Variants in CDH3 observed in about 807,000 individuals in gnomAD.
The protein encoded by CDH3 is cadherin-3.
A neutral mutation model predicts 82.0 loss-of-function variants in CDH3; 54 were observed. The observed-to-expected ratio is 0.66, with a 90% CI of 0.53 to 0.83. The LOEUF is 0.83. CDH3 is among the 40% of genes least tolerant of loss of function. CDH3 has a pLI of 0.00. For missense variants in CDH3, 1,054 were observed against 1,084.6 expected, an observed-to-expected ratio of 0.97 and a Z score of 0.40; for synonymous variants, 446 against 437.9, an observed-to-expected ratio of 1.02 and a Z score of -0.23.
At chr16:68,682,631 T>C in intron 9 of CDH3, 144 bp downstream of exon 9, 1 of 780,770 alleles carries the variant, frequency 1.3e-6, no homozygotes. Context: ...ACCACTCTTG[T>C]GTTGGGAAGT....
intron 2 of CDH3, among the ~76,000 whole-genome samples, chr16:68,650,432 G>T (rs1319230229): frequency 6.6e-6 from 1 of 152,130 alleles, no homozygotes; most frequent in Non-Finnish European, 1.5e-5. Flanking sequence ...AGCCTCCCAA[G>T]TAACTGGTAC....
chr16:68,697,332 A>G (rs943453402), intron 15 of CDH3, among the ~76,000 whole-genome samples: 1 of 152,002 alleles, frequency 6.6e-6, no homozygotes, highest in African/African-American at 2.4e-5. Flanking sequence ...TTTAAAAAAA[A>G]AAAAATTAGG....
chr16:68,685,110 A>C, intron 10 of CDH3, 95 bp from the exon 11 acceptor site: 1 of 1,437,104 alleles, frequency 7.0e-7, no homozygotes, highest in South Asian at 1.1e-5. Context: ...TTAGGAGCCC[A>C]GAGGCCATCT....
intron 2 of CDH3, among the ~76,000 whole-genome samples, chr16:68,674,351 A>G (rs921523639): frequency 9.9e-5 from 15 of 152,078 alleles, no homozygotes; most frequent in African/African-American, 3.6e-4. Context: ...AGGTTTTTTC[A>G]AGTCCTTTGC....
At chr16:68,714,827 T>A (rs77801405) in intron 1 of CDH3, among the ~76,000 whole-genome samples, 1 of 151,948 alleles carries the variant, frequency 6.6e-6, no homozygotes, top group East Asian at 1.9e-4. Context: ...TGGGTCAACA[T>A]AGCAAGACTT....
chr16:68,728,137 C>T (rs532718107), downstream of CDH3, among the ~76,000 whole-genome samples: 8 of 149,790 alleles, frequency 5.3e-5, no homozygotes, highest in East Asian at 1.6e-3. Flanking sequence ...TACTTGTCTC[C>T]ATCCCACAGT....
At chr16:68,658,003 TCTC>T (rs999815076) in intron 2 of CDH3, among the ~76,000 whole-genome samples, 9 of 151,796 alleles carry the variant, frequency 5.9e-5, no homozygotes, top group African/African-American at 1.7e-4. Context: ...TTCTAAGAAG[TCTC>T]CTCCTTCAAA....
intron 2 of CDH3, among the ~76,000 whole-genome samples, chr16:68,674,751 C>CTT (rs1190513204): frequency 2.0e-5 from 3 of 152,038 alleles, no homozygotes; most frequent in Non-Finnish European, 4.4e-5. Flanking sequence ...AAGAATTCTA[C>CTT]TTTTTTATAT....
Position 68,691,913 on chromosome 16 carries a change from C to T in CDH3, c.1989C>T (p.Val663=), listed in dbSNP as rs1961591482. Reference sequence around the variant, plus strand: ...TCATCCTCCCTGTGCTGGGGGCTGTCCTGGCTCTGCTGTGTGAGTACCAGG... The same window carrying T: ...TCATCCTCCCTGTGCTGGGGGCTGTTCTGGCTCTGCTGTGTGAGTACCAGG... ...GGFILPVLGA[V]LALLFLLLVL... The change falls in exon 13 of 16, where the codon GTC becomes GTT. Residue 663 remains valine (V), a synonymous_variant. Coordinates refer to ENST00000264012, the MANE Select transcript of CDH3 (RefSeq NM_001793.6). 1.9e-6 allele frequency: 3 copies of T among 1,612,788 alleles called. No individual in the cohort carries two copies. The highest frequency in any genetic ancestry group is 2.5e-6 in the Non-Finnish European group (3 of 1,179,606).
At chr16:68,654,380 ATTTTTTTTTTTTTTTTTTTTTTTT>A (rs1176713669) in intron 2 of CDH3, among the ~76,000 whole-genome samples, 3 of 48,496 alleles carry the variant, frequency 6.2e-5, no homozygotes, top group Non-Finnish European at 1.0e-4. Flanking sequence ...TTTTAAATTA[ATTTTTTTTTTTTTTTTTTTTTTTT>A]TTTTTTTTTT....
chr16:68,693,696 A>C (rs1961634690), intron 13 of CDH3, among the ~76,000 whole-genome samples: 1 of 152,166 alleles, frequency 6.6e-6, no homozygotes, highest in South Asian at 2.1e-4. Context: ...GTGGACTCCC[A>C]AGGAAGGTTG....
intron 2 of CDH3, among the ~76,000 whole-genome samples, chr16:68,649,869 A>G (rs540657488): frequency 6.6e-6 from 1 of 152,260 alleles, no homozygotes; most frequent in East Asian, 1.9e-4. Context: ...TCCCGTATCT[A>G]CTAAAAACAC....
At chr16:68,729,382 T>C (rs1962260349), downstream of CDH3, among the ~76,000 whole-genome samples, 1 of 152,204 alleles carries the variant, frequency 6.6e-6, no homozygotes, top group Admixed American at 6.6e-5. Context: ...TTTTGTTTTT[T>C]AAAGAAGTCT....
intron 2 of CDH3, among the ~76,000 whole-genome samples, chr16:68,658,040 A>G (rs1960451699): frequency 6.7e-6 from 1 of 149,824 alleles, no homozygotes; most frequent in Admixed American, 6.7e-5. Flanking sequence ...GGTATTCCCC[A>G]TATCTCCCAG....
At chr16:68,721,821 G>A (rs1240947639) in intron 1 of CDH3, among the ~76,000 whole-genome samples, 6 of 152,142 alleles carry the variant, frequency 3.9e-5, no homozygotes, top group Non-Finnish European at 8.8e-5. Context: ...CAGGCGTGGT[G>A]GCTCACGCCT....
intron 1 of CDH3, among the ~76,000 whole-genome samples, chr16:68,714,153 C>T (rs1413531195): frequency 3.3e-5 from 5 of 152,006 alleles, no homozygotes; most frequent in African/African-American, 9.7e-5. Flanking sequence ...AGGCTGGTCT[C>T]GAACTCCTGA....
intron 2 of CDH3, among the ~76,000 whole-genome samples, chr16:68,665,574 T>G (rs1009202471): frequency 6.6e-6 from 1 of 152,164 alleles, no homozygotes; most frequent in African/African-American, 2.4e-5. Context: ...ATTAAGTGAT[T>G]GACGCAAGGC....
intron 12 of CDH3, among the ~76,000 whole-genome samples, chr16:68,689,020 T>G (rs1057226905): frequency 1.9e-4 from 29 of 152,222 alleles, no homozygotes; most frequent in African/African-American, 5.3e-4. Flanking sequence ...CCTGTAACAG[T>G]ATTGATCAGT....
intron 9 of CDH3, among the ~76,000 whole-genome samples, chr16:68,683,478 C>T (rs1016400558): frequency 2.8e-4 from 43 of 151,438 alleles, no homozygotes; most frequent in Admixed American, 2.7e-3. Context: ...GGTGAAACCC[C>T]GTCTCTACTA....
Sources: allele counts gnomAD v4.1 joint callset (sites outside exome capture counted in the v4.1 genomes callset), GRCh38; gene constraint gnomAD v4.1.1; transcripts MANE v1.5; gene names NCBI Gene and HGNC (gene_info 2026-07-23, HGNC 2026-07-21).